Variants in APCDD1L observed in about 807,000 individuals in gnomAD.
APCDD1L encodes the protein protein APCDD1-like.
A neutral mutation model predicts 24.2 loss-of-function variants in APCDD1L; 21 were observed. The ratio of observed to expected loss-of-function variants is 0.87; its 90% CI spans 0.61 to 1.25. The LOEUF (loss-of-function observed/expected upper bound fraction) is 1.25. APCDD1L is among the 50% of genes most tolerant of loss of function. APCDD1L has a pLI of 0.00. For synonymous variants in APCDD1L, 321 were observed against 323.6 expected (o/e 0.99, Z 0.09); for missense variants, 704 against 711.7 (o/e 0.99, Z 0.12).
In APCDD1L at chr20:58,471,139, C is replaced by T. The variant is rs78378215; in HGVS notation, c.50-392G>A. On this transcript the variant is annotated intron_variant, in intron 1 of 3. Transcript: ENST00000371149. The stretch of plus-strand genomic sequence containing the variant: ...TGCCTGCTGGTGGCTGAAGGACCCA[C>T]GCTCCTGGACAAAGGGCACTCTGGA... Among the ~76,000 whole-genome samples, 721 of 152,292 alleles carry T rather than the reference C, an allele frequency of 4.7e-3. 7 individuals are homozygous for T. Among genetic ancestry groups the T allele is most frequent in the African/African-American group, 0.016 (668 of 41,560 alleles).
intron 1 of APCDD1L, among the ~76,000 whole-genome samples, chr20:58,505,636 C>T (rs1178171180): frequency 2.0e-5 from 3 of 152,178 alleles, no homozygotes; most frequent in Admixed American, 1.3e-4. Context: ...TGCCATCCCA[C>T]CCACCAGAGT....
intron 1 of APCDD1L, among the ~76,000 whole-genome samples, chr20:58,512,127 C>T (rs1177915719): frequency 6.6e-6 from 1 of 152,170 alleles, no homozygotes; most frequent in Admixed American, 6.5e-5. Flanking sequence ...CTCCTGCGGC[C>T]GCCATGCGGA....
chr20:58,463,137 A>G (rs1258764444), intron 3 of APCDD1L, among the ~76,000 whole-genome samples: 2 of 87,826 alleles, frequency 2.3e-5, no homozygotes, highest in African/African-American at 4.7e-5. Context: ...GCAAGACTCC[A>G]TCTCACAAAA....
Position 58,462,314 on chromosome 20 carries a change from C to T in APCDD1L, c.742-760G>A, listed in dbSNP as rs150445801. 4.8e-3 allele frequency among the ~76,000 whole-genome samples: 727 copies of T among 152,210 alleles called. 8 individuals are homozygous for T. Among genetic ancestry groups the T allele is most frequent in the African/African-American group, 0.017 (695 of 41,532 alleles). On this transcript the variant is annotated intron_variant, in intron 3 of 3. Coordinates refer to ENST00000371149, the MANE Select transcript of APCDD1L (RefSeq NM_153360.3). ...CTGAGGGAGCTGAGACCCAGAGGGCCGGCTGGGCTGCCCAGGTTGTCCAGC... is the reference window on the plus strand; with the variant it reads ...CTGAGGGAGCTGAGACCCAGAGGGCTGGCTGGGCTGCCCAGGTTGTCCAGC...
chr20:58,468,692 C>G (rs1306108202), intron 2 of APCDD1L, among the ~76,000 whole-genome samples: 1 of 152,062 alleles, frequency 6.6e-6, no homozygotes, highest in Non-Finnish European at 1.5e-5. Context: ...CTCAGTCTCC[C>G]GAGTAGCTGC....
At chr20:58,503,004 G>A (rs1375079917) in intron 1 of APCDD1L, among the ~76,000 whole-genome samples, 3 of 152,118 alleles carry the variant, frequency 2.0e-5, no homozygotes, top group Non-Finnish European at 4.4e-5. Flanking sequence ...TTATGGGACC[G>A]GAATTCCGAC....
chr20:58,509,152 G>A (rs528908043), intron 1 of APCDD1L, among the ~76,000 whole-genome samples: 1 of 152,140 alleles, frequency 6.6e-6, no homozygotes, highest in Non-Finnish European at 1.5e-5. Flanking sequence ...GGGCGTGAAG[G>A]CCCTGAGGGA....
chr20:58,500,674 A>T (rs529385733), intron 1 of APCDD1L, among the ~76,000 whole-genome samples: 1 of 152,046 alleles, frequency 6.6e-6, no homozygotes, highest in African/African-American at 2.4e-5. Context: ...TGTCCACCCA[A>T]TGGCTTTCCT....
At chr20:58,485,758 G>A (rs1038125050) in intron 1 of APCDD1L, among the ~76,000 whole-genome samples, 22 of 152,272 alleles carry the variant, frequency 1.4e-4, no homozygotes, top group Non-Finnish European at 2.8e-4. Context: ...TATTCTGAGG[G>A]CCTTCCCCAC....
At chr20:58,487,918 C>A (rs551039238) in intron 1 of APCDD1L, among the ~76,000 whole-genome samples, 47 of 152,268 alleles carry the variant, frequency 3.1e-4, no homozygotes, top group Non-Finnish European at 5.9e-4. Context: ...TTAAAAAACA[C>A]AATGAACAAG....
At chr20:58,514,301 A>G (rs1035610874) in intron 1 of APCDD1L, among the ~76,000 whole-genome samples, 1 of 152,258 alleles carries the variant, frequency 6.6e-6, no homozygotes, top group Non-Finnish European at 1.5e-5. Context: ...GTCCCGCACC[A>G]TGGGGGTCTC....
At chr20:58,475,814 G>A (rs1989898704) in intron 1 of APCDD1L, among the ~76,000 whole-genome samples, 2 of 152,132 alleles carry the variant, frequency 1.3e-5, no homozygotes, top group South Asian at 4.1e-4. Flanking sequence ...GGTGTCCCTT[G>A]GCTTGGGGCT....
intron 1 of APCDD1L, among the ~76,000 whole-genome samples, chr20:58,487,796 T>G (rs184886829): frequency 4.5e-4 from 68 of 152,300 alleles, no homozygotes; most frequent in Non-Finnish European, 6.6e-4. Flanking sequence ...CAAACATTGC[T>G]ATAGCTAGAG....
intron 1 of APCDD1L, among the ~76,000 whole-genome samples, chr20:58,499,319 G>C (rs190739769): frequency 6.8e-4 from 104 of 152,152 alleles, no homozygotes; most frequent in Admixed American, 1.8e-3. Flanking sequence ...CACATGGCCA[G>C]CTAAGACAGG....
intron 1 of APCDD1L, among the ~76,000 whole-genome samples, chr20:58,499,419 G>A (rs187651652): frequency 5.3e-5 from 8 of 152,288 alleles, no homozygotes; most frequent in Non-Finnish European, 1.2e-4. Context: ...CACCTATGGC[G>A]ACACCTGTCT....
intron 1 of APCDD1L, among the ~76,000 whole-genome samples, chr20:58,500,887 TC>T (rs1990423017): frequency 6.6e-6 from 1 of 152,042 alleles, no homozygotes; most frequent in African/African-American, 2.4e-5. Flanking sequence ...GCTGTCCACT[TC>T]CCCCAGCCCT....
At chr20:58,483,695 C>T (rs1033426622) in intron 1 of APCDD1L, among the ~76,000 whole-genome samples, 2 of 152,156 alleles carry the variant, frequency 1.3e-5, no homozygotes, top group African/African-American at 4.8e-5. Context: ...CTCTACGGCC[C>T]CCGCTGGCTT....
intron 1 of APCDD1L, among the ~76,000 whole-genome samples, chr20:58,476,732 G>T (rs940231572): frequency 6.6e-6 from 1 of 152,086 alleles, no homozygotes; most frequent in Non-Finnish European, 1.5e-5. Flanking sequence ...GTGTAGCCTC[G>T]AAGCCCTTTG....
At chr20:58,485,870 G>C (rs1276769296) in intron 1 of APCDD1L, among the ~76,000 whole-genome samples, 1 of 152,178 alleles carries the variant, frequency 6.6e-6, no homozygotes, top group East Asian at 1.9e-4. Flanking sequence ...CCTGCCTGTA[G>C]AGCCCCTCCT....
Sources: gnomAD v4.1 joint callset for allele counts (sites outside exome capture counted in the v4.1 genomes callset) on GRCh38, gnomAD v4.1.1 for gene constraint, MANE v1.5 for transcripts, NCBI Gene and HGNC (gene_info 2026-07-23, HGNC 2026-07-21) for gene names.